Variants in SLC5A8 observed in about 807,000 individuals in gnomAD.
The protein encoded by SLC5A8 is solute carrier family 5 member 8.
A neutral mutation model predicts 71.9 loss-of-function variants in SLC5A8; 55 were observed. The observed-to-expected ratio is 0.77, with a 90% CI of 0.62 to 0.96. The LOEUF (loss-of-function observed/expected upper bound fraction) is 0.96. Among genes scored for constraint, SLC5A8 ranks in the 40% least tolerant of loss-of-function variants. The pLI is 0.00. For synonymous variants in SLC5A8, 307 were observed against 276.1 expected, an observed-to-expected ratio of 1.11 and a Z score of -1.11; for missense variants, 701 against 745.3, an observed-to-expected ratio of 0.94 and a Z score of 0.69.
At chr12:101,158,556 C>A (rs2051689878) in intron 13 of SLC5A8, among the ~76,000 whole-genome samples, 2 of 27,304 alleles carry the variant, frequency 7.3e-5, no homozygotes, top group South Asian at 2.0e-3. Context: ...ATGAGTCTCT[C>A]TCTCTCTCTC....
chr12:101,174,954 C>T (rs2051865505), intron 10 of SLC5A8, among the ~76,000 whole-genome samples: 1 of 151,772 alleles, frequency 6.6e-6, no homozygotes. Context: ...AGATCTCAAA[C>T]TAAATATAAA....
chr12:101,187,308 T>C (rs1868686800), intron 7 of SLC5A8, 78 bp downstream of exon 7: 1 of 1,450,168 alleles, frequency 6.9e-7, no homozygotes, highest in South Asian at 1.6e-5. Context: ...TCTACAAGAA[T>C]ATGAATGCTC....
chr12:101,182,316 C>G (rs939128794), intron 9 of SLC5A8, among the ~76,000 whole-genome samples: 1 of 152,062 alleles, frequency 6.6e-6, no homozygotes, highest in Admixed American at 6.6e-5. Flanking sequence ...TAATCTAATC[C>G]TCTGTAAACA....
Position 101,185,137 on chromosome 12 carries a change from G to A in SLC5A8, c.964-915C>T, listed in dbSNP as rs192929254. Among the ~76,000 whole-genome samples the A allele has an allele frequency of 3.3e-3, 503 of 152,218 alleles. 2 individuals carry two copies. The highest frequency in any genetic ancestry group is 0.012 in the African/African-American group (479 of 41,530). ...ATATGGAAGAACTTCCTCCACTGTT[G>A]AAAAGAAATGTTTCAACATTAGGAT... On this transcript the variant is annotated intron_variant, in intron 7 of 14. Coordinates refer to ENST00000536262, the MANE Select transcript of SLC5A8 (RefSeq NM_145913.5).
chr12:101,161,052 G>A (rs1051046093), intron 13 of SLC5A8, among the ~76,000 whole-genome samples: 16 of 152,180 alleles, frequency 1.1e-4, no homozygotes, highest in African/African-American at 3.6e-4. Context: ...GTGTCAGCTG[G>A]TAGCAGAGCG....
chr12:101,158,054 G>A (rs898448043), intron 14 of SLC5A8, among the ~76,000 whole-genome samples, 195 bp downstream of exon 14: 3 of 152,134 alleles, frequency 2.0e-5, no homozygotes, highest in Non-Finnish European at 4.4e-5. Flanking sequence ...GCGTATCAGA[G>A]GATATGGAGC....
At chr12:101,175,524 C>T (rs539918327) in intron 10 of SLC5A8, among the ~76,000 whole-genome samples, 183 of 151,906 alleles carry the variant, frequency 1.2e-3, no homozygotes, top group African/African-American at 4.0e-3. Context: ...GAAAGAAACA[C>T]GTGCCAAGAC....
chr12:101,181,701 T>C (rs1868373255), intron 9 of SLC5A8, among the ~76,000 whole-genome samples: 1 of 152,240 alleles, frequency 6.6e-6, no homozygotes, highest in Non-Finnish European at 1.5e-5. Context: ...ATCTATTCAT[T>C]CTACTAAACC....
At chr12:101,163,161 G>A (rs2051739107) in intron 12 of SLC5A8, among the ~76,000 whole-genome samples, 1 of 152,168 alleles carries the variant, frequency 6.6e-6, no homozygotes, top group Admixed American at 6.5e-5. Flanking sequence ...GTGGGACCAG[G>A]CATGAGTTGG....
chr12:101,203,688 G>C (rs1869553713), intron 2 of SLC5A8, among the ~76,000 whole-genome samples: 1 of 152,150 alleles, frequency 6.6e-6, no homozygotes, highest in African/African-American at 2.4e-5. Flanking sequence ...TGCAATTAGA[G>C]ACAAGAATGC....
rs758043845 is a variant in SLC5A8 at position 101,157,245 on chromosome 12, A to T, written c.*34T>A. 1 of 1,594,088 alleles carries T rather than the reference A, an allele frequency of 6.3e-7. No homozygotes were observed. The highest frequency in any genetic ancestry group is 1.3e-5 in the African/African-American group (1 of 74,098). On this transcript the variant is annotated 3_prime_UTR_variant, in exon 15 of 15. Transcript: ENST00000536262. ...ATCTTAGAAAACATATAAAATTGAAACATCATTTAAGGATATCTAGTATCA... is the reference window on the plus strand; with the variant it reads ...ATCTTAGAAAACATATAAAATTGAATCATCATTTAAGGATATCTAGTATCA...
rs2051657868 is a variant in SLC5A8, at chr12:101,156,065, A to C, written c.*1214T>G. On this transcript the variant is annotated 3_prime_UTR_variant, in exon 15 of 15. Coordinates refer to ENST00000536262, the MANE Select transcript of SLC5A8 (RefSeq NM_145913.5). ...CAAACTCTTAGCTAGGAACATAGCA[A>C]AATAAACAGCTAAGCAACTTTGAGA... 6.6e-6 allele frequency: 1 copy of C among 152,166 alleles called. No homozygotes were observed. The highest frequency in any genetic ancestry group is 1.5e-5 in the Non-Finnish European group (1 of 68,030). The allele number at this position is 152,166 out of a possible 1,614,324, so 9.4% of individuals were successfully genotyped here.
chr12:101,181,158 A>G (rs1351611528), intron 9 of SLC5A8, among the ~76,000 whole-genome samples: 2 of 152,212 alleles, frequency 1.3e-5, no homozygotes, highest in African/African-American at 2.4e-5. Context: ...TTTAGCATTC[A>G]TACCTTTGTT....
chr12:101,173,438 G>C (rs1270632231), intron 10 of SLC5A8, among the ~76,000 whole-genome samples: 1 of 152,214 alleles, frequency 6.6e-6, no homozygotes, highest in Non-Finnish European at 1.5e-5. Context: ...GGTGACACCT[G>C]TGGTGTGGCC....
At chr12:101,162,260 A>G (rs189247459) in intron 12 of SLC5A8, among the ~76,000 whole-genome samples, 183 bp from the exon 13 acceptor site, 5 of 152,316 alleles carry the variant, frequency 3.3e-5, no homozygotes, top group Admixed American at 3.3e-4. Context: ...CACCTTGACT[A>G]TATACTAAAA....
chr12:101,183,256 A>G (rs1868453173), intron 8 of SLC5A8, among the ~76,000 whole-genome samples: 1 of 152,038 alleles, frequency 6.6e-6, no homozygotes, highest in South Asian at 2.1e-4. Context: ...TGTGTTAGCC[A>G]GGATGGTCTC....
At chr12:101,170,858 T>C (rs112210363) in intron 10 of SLC5A8, among the ~76,000 whole-genome samples, 1,670 of 152,290 alleles carry the variant, frequency 0.011, 18 homozygotes, top group South Asian at 0.029. Flanking sequence ...ATGATGTCAG[T>C]GAATTCCACC....
rs1229713243 is a variant in SLC5A8, at chr12:101,209,745, G to C, written c.104C>G (p.Ala35Gly). ...SAAIGIYYAF[A>G]GGGQQTSKDF... is the part of the protein sequence containing the mutation. The stretch of plus-strand genomic sequence containing the variant: ...CTTGGAGGTCTGCTGGCCGCCCCCA[G>C]CGAAGGCGTAGTAGATGCCGATGGC... The change falls in exon 1 of 15, where the codon GCT (alanine) becomes GGT (glycine). Residue 35 changes from alanine (A) to glycine (G), a missense_variant. Coordinates refer to ENST00000536262, the MANE Select transcript of SLC5A8 (RefSeq NM_145913.5). 6.2e-7 allele frequency: 1 copy of C among 1,612,708 alleles called. No homozygotes were observed. The highest frequency in any genetic ancestry group is 1.1e-5 in the South Asian group (1 of 91,072).
intron 9 of SLC5A8, among the ~76,000 whole-genome samples, chr12:101,181,328 C>T (rs1035736142): frequency 1.3e-5 from 2 of 152,040 alleles, no homozygotes; most frequent in African/African-American, 4.8e-5. Flanking sequence ...GAATAGTCAC[C>T]ATTATAATTT....
Sources: allele counts gnomAD v4.1 joint callset (sites outside exome capture counted in the v4.1 genomes callset), GRCh38; gene constraint gnomAD v4.1.1; transcripts MANE v1.5; gene names NCBI Gene and HGNC (gene_info 2026-07-23, HGNC 2026-07-21).